CD160: variants seen among roughly 807,000 people sequenced by gnomAD.
CD160 encodes the protein CD160 molecule.
In CD160, 11 loss-of-function variants were observed where a neutral mutation model predicts 19.2. That is an observed-to-expected ratio of 0.57 (90% CI 0.36 to 0.95). CD160 has a LOEUF of 0.95. CD160 is among the 40% of genes least tolerant of loss of function. The pLI is 0.01. For synonymous variants in CD160, 75 were observed against 81.1 expected (o/e 0.93, Z 0.40); for missense variants, 182 against 213.2 (o/e 0.85, Z 0.91).
At chr1:145,731,385 T>C (rs1036426392) in intron 4 of CD160, among the ~76,000 whole-genome samples, 3 of 152,118 alleles carry the variant, frequency 2.0e-5, no homozygotes, top group Non-Finnish European at 4.4e-5. Context: ...AAATTAGGCT[T>C]CCTGGCCAGG....
chr1:145,727,606 TA>T (rs1251125769), intron 2 of CD160, among the ~76,000 whole-genome samples: 2 of 151,876 alleles, frequency 1.3e-5, no homozygotes, highest in East Asian at 3.9e-4. Context: ...AAAAGCCTCA[TA>T]AAAAAAGTGA....
chr1:145,726,417 T>C (rs1333373533), intron 2 of CD160, among the ~76,000 whole-genome samples: 2 of 152,262 alleles, frequency 1.3e-5, no homozygotes, highest in Non-Finnish European at 2.9e-5. Flanking sequence ...AAGGATGAGT[T>C]CATGTCCTTT....
At chr1:145,730,561 A>C (rs893777019) in intron 3 of CD160, among the ~76,000 whole-genome samples, 183 bp from the exon 4 acceptor site, 4 of 152,218 alleles carry the variant, frequency 2.6e-5, no homozygotes, top group Admixed American at 2.6e-4. Context: ...CCAAGGAGTT[A>C]GGTAACTTGC....
intron 1 of CD160, among the ~76,000 whole-genome samples, chr1:145,722,260 G>C (rs1656880438): frequency 6.6e-6 from 1 of 152,106 alleles, no homozygotes; most frequent in Non-Finnish European, 1.5e-5. Flanking sequence ...ATTTACATAG[G>C]TGACCTCATT....
chr1:145,732,314 G>A (rs1657328357), intron 4 of CD160, among the ~76,000 whole-genome samples: 1 of 152,174 alleles, frequency 6.6e-6, no homozygotes, highest in Non-Finnish European at 1.5e-5. Context: ...AGCTACCAGA[G>A]GATGTGCTTC....
At chr1:145,735,953 A>G in intron 4 of CD160, 44 bp from the exon 5 acceptor site, 1 of 1,399,648 alleles carries the variant, frequency 7.1e-7, no homozygotes, top group Non-Finnish European at 1.0e-6. Flanking sequence ...GATACTGATG[A>G]TTTCTGAAAC....
At chr1:145,736,690 T>C (rs1210319048) in intron 5 of CD160, 3 of 160,674 alleles carry the variant, frequency 1.9e-5, no homozygotes, top group Non-Finnish European at 4.1e-5. Flanking sequence ...CTGATTCAGG[T>C]TTTTGCCTGG....
In CD160 at chr1:145,735,990, G is replaced by C. The variant is rs782052733; in HGVS notation, c.401-7G>C. The C allele has an allele frequency of 6.9e-6, 11 of 1,599,756 alleles. No individual in the cohort carries two copies. In the Admixed American group the frequency reaches 1.9e-4, roughly 27 times the overall value. ...CTCCCCTGATCCATGATTCTCTTTT[G>C]AACCAGAGACAGGGAACTACACAGT... On this transcript the variant is annotated splice_polypyrimidine_tract_variant and splice_region_variant and intron_variant, in intron 4 of 5. Transcript: ENST00000369288.
chr1:145,738,160 G>A, intron 5 of CD160: 1 of 193,762 alleles, frequency 5.2e-6, no homozygotes, highest in Non-Finnish European at 1.0e-5. Context: ...TTACCACTGT[G>A]CCAACAATTC....
chr1:145,732,754 C>T (rs1007164344), intron 4 of CD160, among the ~76,000 whole-genome samples: 1 of 152,056 alleles, frequency 6.6e-6, no homozygotes, highest in African/African-American at 2.4e-5. Flanking sequence ...AGAAACATAG[C>T]GCACAACTTG....
intron 1 of CD160, among the ~76,000 whole-genome samples, chr1:145,720,580 G>A (rs1457074877): frequency 6.6e-6 from 1 of 152,164 alleles, no homozygotes; most frequent in African/African-American, 2.4e-5. Context: ...ATCTTTTTCA[G>A]TGTCGTGGGA....
chr1:145,722,806 G>T (rs1656905331), intron 1 of CD160, among the ~76,000 whole-genome samples: 1 of 152,112 alleles, frequency 6.6e-6, no homozygotes, highest in Non-Finnish European at 1.5e-5. Flanking sequence ...GTGTTAGCCA[G>T]GATGGTCTCG....
intron 5 of CD160, chr1:145,737,079 C>T (rs1657525947): frequency 6.6e-6 from 1 of 152,148 alleles, no homozygotes. Context: ...GTCTGGGCAA[C>T]ATGGCAAAAC....
chr1:145,737,176 G>C (rs1394105551), intron 5 of CD160: 1 of 151,808 alleles, frequency 6.6e-6, no homozygotes, highest in East Asian at 1.9e-4. Flanking sequence ...CCTGAGCCCA[G>C]GCTGGTTGAG....
chr1:145,727,861 TA>T (rs1209975303), intron 2 of CD160, among the ~76,000 whole-genome samples: 1 of 152,094 alleles, frequency 6.6e-6, no homozygotes, highest in Non-Finnish European at 1.5e-5. Flanking sequence ...AATGTTAAAG[TA>T]CAGATAATAC....
rs1303423987 is a variant in CD160, at chr1:145,739,208, A to T, written c.*715A>T. On this transcript the variant is annotated 3_prime_UTR_variant, in exon 6 of 6. Coordinates refer to ENST00000369288, the MANE Select transcript of CD160 (RefSeq NM_007053.4). ...CACAAACTCTCTTCTTTCTCTTTGGACAGATGACCTCTTGTCATAGTTAAG... is the reference window on the plus strand; with the variant it reads ...CACAAACTCTCTTCTTTCTCTTTGGTCAGATGACCTCTTGTCATAGTTAAG... The T allele has an allele frequency of 6.6e-6, 1 of 152,224 alleles. No homozygotes were observed. Among genetic ancestry groups the T allele is most frequent in the Non-Finnish European group, 1.5e-5 (1 of 68,044 alleles). 9.4% of individuals were successfully genotyped at this position (152,224 alleles called of 1,614,324 possible). A position where few individuals can be genotyped will look rare whatever the true frequency, so the allele number is the denominator to read the frequency against.
chr1:145,723,438 TTAA>T (rs1235107651), intron 1 of CD160, among the ~76,000 whole-genome samples: 1 of 152,212 alleles, frequency 6.6e-6, no homozygotes, highest in Admixed American at 6.5e-5. Flanking sequence ...ATCTTATGTA[TTAA>T]TAAGTACCTT....
At chr1:145,736,314 A>G (rs977195518) in intron 5 of CD160, 180 bp downstream of exon 5, 14 of 1,534,070 alleles carry the variant, frequency 9.1e-6, no homozygotes, top group Middle Eastern at 2.1e-4. Context: ...CAAAGGCACT[A>G]AGGAGGAAGA....
At chr1:145,721,818 C>T (rs1241368506) in intron 1 of CD160, among the ~76,000 whole-genome samples, 1 of 152,202 alleles carries the variant, frequency 6.6e-6, no homozygotes, top group South Asian at 2.1e-4. Context: ...AACTTCATTG[C>T]CATCTTGCAG....
Sources: allele counts gnomAD v4.1 joint callset (sites outside exome capture counted in the v4.1 genomes callset), GRCh38; gene constraint gnomAD v4.1.1; transcripts MANE v1.5; gene names NCBI Gene and HGNC (gene_info 2026-07-23, HGNC 2026-07-21).